LAMA2: variants seen among roughly 807,000 people sequenced by gnomAD.
LAMA2 encodes laminin subunit alpha 2, also known as laminin subunit alpha-2.
Under a neutral mutation model 364.8 loss-of-function variants are expected in LAMA2, and 269 were observed. The ratio of observed to expected loss-of-function variants is 0.74; its 90% CI spans 0.67 to 0.82. LAMA2 has a LOEUF of 0.82. Among genes scored for constraint, LAMA2 ranks in the 40% least tolerant of loss-of-function variants. The probability of loss-of-function intolerance (pLI) is 0.00; values close to 1 mark genes in which losing one functional copy is unlikely to be tolerated. For missense variants in LAMA2, 3,807 were observed against 3,873.2 expected (o/e 0.98, Z 0.45); for synonymous variants, 1,379 against 1,370.6 (o/e 1.01, Z -0.14).
At chr6:129,328,534 A>G (rs1775440079) in intron 29 of LAMA2, 122 bp downstream of exon 29, 1 of 1,482,308 alleles carries the variant, frequency 6.7e-7, no homozygotes, top group African/African-American at 1.4e-5. Flanking sequence ...GTGAAATAAA[A>G]TATGTAAGGG....
chr6:129,467,429 G>C (rs1367218780), intron 51 of LAMA2, among the ~76,000 whole-genome samples: 1 of 151,598 alleles, frequency 6.6e-6, no homozygotes, highest in African/African-American at 2.4e-5. Context: ...GTGGGTGATG[G>C]GTCCACTAGA....
At chr6:129,291,798 C>T (rs190260579) in intron 20 of LAMA2, 78 bp downstream of exon 20, 1 of 899,648 alleles carries the variant, frequency 1.1e-6, no homozygotes, top group East Asian at 2.5e-5. Context: ...GTTTTGTATA[C>T]CTTCGTATAT....
intron 12 of LAMA2, among the ~76,000 whole-genome samples, chr6:129,225,246 A>G (rs1265044099): frequency 6.6e-6 from 1 of 152,076 alleles, no homozygotes; most frequent in East Asian, 1.9e-4. Flanking sequence ...TAGTCTTGCT[A>G]GCAGTCTATC....
At chr6:128,996,520 A>G (rs1328559291) in intron 1 of LAMA2, among the ~76,000 whole-genome samples, 2 of 152,230 alleles carry the variant, frequency 1.3e-5, no homozygotes, top group Non-Finnish European at 2.9e-5. Context: ...CAAACATATG[A>G]AAAAAAGCTC....
chr6:129,109,298 G>A (rs1017558260), intron 4 of LAMA2, among the ~76,000 whole-genome samples: 2 of 152,068 alleles, frequency 1.3e-5, no homozygotes, highest in African/African-American at 4.8e-5. Flanking sequence ...CATGTTGTGT[G>A]GTCAAAGTAC....
At chr6:129,304,182 AAT>A (rs1773721280) in intron 22 of LAMA2, among the ~76,000 whole-genome samples, 9 of 152,278 alleles carry the variant, frequency 5.9e-5, no homozygotes, top group East Asian at 3.9e-4. Context: ...TTGCCTAATA[AAT>A]GTGATAACTT....
At chr6:129,182,569 T>C (rs1780994621) in intron 10 of LAMA2, among the ~76,000 whole-genome samples, 1 of 151,834 alleles carries the variant, frequency 6.6e-6, no homozygotes, top group East Asian at 1.9e-4. Flanking sequence ...GTATAAACCA[T>C]GATAAATTTC....
At chr6:129,124,695 C>G (rs1338814622) in intron 4 of LAMA2, among the ~76,000 whole-genome samples, 3 of 152,168 alleles carry the variant, frequency 2.0e-5, no homozygotes, top group Non-Finnish European at 4.4e-5. Flanking sequence ...CCTTTGCAAT[C>G]TTTTTCATAA....
chr6:129,391,073 T>TA (rs1779290259), intron 35 of LAMA2, among the ~76,000 whole-genome samples: 1 of 152,200 alleles, frequency 6.6e-6, no homozygotes, highest in Non-Finnish European at 1.5e-5. Context: ...ACTGAGTGTA[T>TA]TTCCACACTC....
chr6:129,400,108 A>G (rs1779885145), intron 37 of LAMA2, among the ~76,000 whole-genome samples: 1 of 152,192 alleles, frequency 6.6e-6, no homozygotes, highest in Admixed American at 6.5e-5. Context: ...ATGAGGGACC[A>G]CTTTCTGGTT....
At chr6:128,913,343 CATT>C (rs562881344) in intron 1 of LAMA2, among the ~76,000 whole-genome samples, 70 of 152,254 alleles carry the variant, frequency 4.6e-4, no homozygotes, top group Admixed American at 8.5e-4. Flanking sequence ...TATAACCAAT[CATT>C]ATAATTATTT....
chr6:129,218,633 C>A (rs1166147965), intron 12 of LAMA2, among the ~76,000 whole-genome samples: 1 of 151,994 alleles, frequency 6.6e-6, no homozygotes, highest in Non-Finnish European at 1.5e-5. Context: ...ATAAAGAAAT[C>A]CTGGCCATTA....
At chr6:129,459,586 G>A (rs1041459162) in intron 48 of LAMA2, among the ~76,000 whole-genome samples, 20 of 151,970 alleles carry the variant, frequency 1.3e-4, no homozygotes, top group African/African-American at 2.7e-4. Flanking sequence ...CCTTGAACTC[G>A]AAATCTTCTT....
At chr6:129,211,594 A>G (rs868121425) in intron 12 of LAMA2, among the ~76,000 whole-genome samples, 27 of 152,210 alleles carry the variant, frequency 1.8e-4, no homozygotes, top group East Asian at 9.6e-4. Context: ...TAAGTGTTCA[A>G]TGCTCTCTCA....
At chr6:129,382,457 G>A (rs1431339187) in intron 34 of LAMA2, among the ~76,000 whole-genome samples, 1 of 152,132 alleles carries the variant, frequency 6.6e-6, no homozygotes, top group Non-Finnish European at 1.5e-5. Flanking sequence ...TTTGGGAGGT[G>A]GGGCTGTTTT....
Position 129,159,022 on chromosome 6 carries a change from A to G in LAMA2, c.1206+4339A>G, listed in dbSNP as rs551644855. On this transcript the variant is annotated intron_variant, in intron 8 of 64. Coordinates refer to ENST00000421865, the MANE Select transcript of LAMA2 (RefSeq NM_000426.4). ...TCTGGTCGGAGTCTGATTTCATCCCAGTGCCGTGGAGCATACTATCCAGAT... is the reference window on the plus strand; with the variant it reads ...TCTGGTCGGAGTCTGATTTCATCCCGGTGCCGTGGAGCATACTATCCAGAT... 20 of 1,581,334 alleles carry G rather than the reference A, an allele frequency of 1.3e-5. No individual in the cohort carries two copies. In the African/African-American group the frequency reaches 2.3e-4, roughly 18 times the overall value.
At chr6:128,901,582 A>G (rs1777086399) in intron 1 of LAMA2, among the ~76,000 whole-genome samples, 1 of 152,246 alleles carries the variant, frequency 6.6e-6, no homozygotes, top group African/African-American at 2.4e-5. Context: ...AGCATATGAC[A>G]CCAGCATGGT....
At chr6:129,383,308 A>G in intron 35 of LAMA2, 75 bp downstream of exon 35, 1 of 1,138,624 alleles carries the variant, frequency 8.8e-7, no homozygotes, top group South Asian at 1.3e-5. Flanking sequence ...ACAGGACTGG[A>G]ATTTCTCTTG....
At chr6:129,116,606 A>T (rs980437629) in intron 4 of LAMA2, among the ~76,000 whole-genome samples, 1 of 152,246 alleles carries the variant, frequency 6.6e-6, no homozygotes, top group Non-Finnish European at 1.5e-5. Flanking sequence ...TGTTTAAAAA[A>T]GATTCATGTT....
Sources: allele counts gnomAD v4.1 joint callset (sites outside exome capture counted in the v4.1 genomes callset), GRCh38; gene constraint gnomAD v4.1.1; transcripts MANE v1.5; gene names NCBI Gene and HGNC (gene_info 2026-07-23, HGNC 2026-07-21).